The following COL28A1 variants were observed in gnomAD, a reference collection of about 807,000 sequenced individuals.
COL28A1 encodes collagen type XXVIII alpha 1 chain, also known as collagen alpha-1(XXVIII) chain.
COL28A1 carries 161 observed loss-of-function variants against 150.2 expected under a neutral mutation model. That is an observed-to-expected ratio of 1.07 (90% CI 0.94 to 1.22). The LOEUF (loss-of-function observed/expected upper bound fraction) is 1.22. Ranked by LOEUF, COL28A1 falls within the 50% of genes most tolerant of loss-of-function variation. The pLI is 0.00. For missense variants in COL28A1, 1,617 were observed against 1,388.3 expected, an observed-to-expected ratio of 1.16 and a Z score of -2.62; for synonymous variants, 552 against 469.7, an observed-to-expected ratio of 1.18 and a Z score of -2.26.
downstream of COL28A1, among the ~76,000 whole-genome samples, chr7:7,352,990 C>T (rs1562446019): frequency 6.6e-6 from 1 of 152,132 alleles, no homozygotes; most frequent in Non-Finnish European, 1.5e-5. Flanking sequence ...AAGGTGAAGC[C>T]TGGGGCTGAG....
chr7:7,511,619 TCAAGAACACCA>T, intron 8 of COL28A1: 1 of 322,556 alleles, frequency 3.1e-6, no homozygotes, highest in South Asian at 2.7e-5. Context: ...TCCTATTTTT[TCAAGAACACCA>T]TGCTTCAGCC....
the COL28A1 span, among the ~76,000 whole-genome samples, chr7:7,350,134 G>A: frequency 6.6e-6 from 1 of 152,132 alleles, no homozygotes; most frequent in African/African-American, 2.4e-5. Context: ...GTACTGGGCA[G>A]ATAAAGATTG....
chr7:7,356,982 G>T (rs937997470), downstream of COL28A1: 10 of 152,076 alleles, frequency 6.6e-5, no homozygotes, highest in African/African-American at 1.9e-4. Context: ...TCTTCCGTGA[G>T]TGCTCTTTTT....
rs576490785 is a variant in COL28A1, at chr7:7,509,180, G to A, written c.927+1911C>T. ...GGGTTTCGCTCTGTTACCCAAACTG[G>A]AGTAGAGTGGCACAATGACAGCTCA... On this transcript the variant is annotated intron_variant, in intron 9 of 34. Transcript: ENST00000399429. Among the ~76,000 whole-genome samples the A allele has an allele frequency of 9.2e-5, 14 of 151,676 alleles. No individual in the cohort carries two copies. In the South Asian group the frequency reaches 2.3e-3, roughly 25 times the overall value.
intron 8 of COL28A1, chr7:7,511,603 T>C: frequency 6.2e-6 from 2 of 321,524 alleles, no homozygotes; most frequent in South Asian, 2.8e-5. Context: ...TACTTTAACT[T>C]GGAATTCCTA....
chr7:7,378,086 G>T (rs1469235391), intron 30 of COL28A1, among the ~76,000 whole-genome samples: 2 of 152,092 alleles, frequency 1.3e-5, no homozygotes, highest in Non-Finnish European at 2.9e-5. Flanking sequence ...TCCACCTAGA[G>T]ATGTCCACGG....
intron 15 of COL28A1, among the ~76,000 whole-genome samples, chr7:7,457,031 A>C (rs1305265413): frequency 6.6e-6 from 1 of 152,244 alleles, no homozygotes; most frequent in Non-Finnish European, 1.5e-5. Flanking sequence ...TTCCAGAAAC[A>C]GCAAGGAGAC....
Position 7,511,072 on chromosome 7 carries a change from T to C in COL28A1, c.927+19A>G. ...AAAAGGGATCACAGCTGTAAGCAGT[T>C]TAAAAACATGTTCCTTACCTTGTCA... On this transcript the variant is annotated intron_variant, in intron 9 of 34. Coordinates refer to ENST00000399429, the MANE Select transcript of COL28A1 (RefSeq NM_001037763.3). 6.2e-7 allele frequency: 1 copy of C among 1,609,636 alleles called. No homozygotes were observed. Among genetic ancestry groups the C allele is most frequent in the Non-Finnish European group, 8.5e-7 (1 of 1,176,092 alleles).
intron 4 of COL28A1, among the ~76,000 whole-genome samples, chr7:7,522,360 C>G (rs186280528): frequency 8.4e-4 from 128 of 152,112 alleles, no homozygotes; most frequent in Non-Finnish European, 7.4e-4. Flanking sequence ...CACATCAAAG[C>G]TCAATAATAT....
chr7:7,528,544 A>G, intron 3 of COL28A1, among the ~76,000 whole-genome samples: 1 of 152,180 alleles, frequency 6.6e-6, no homozygotes, highest in East Asian at 1.9e-4. Context: ...AAATTCAACT[A>G]AAGTCTATTC....
intron 17 of COL28A1, among the ~76,000 whole-genome samples, chr7:7,452,991 T>C (rs920982867): frequency 3.9e-5 from 6 of 152,336 alleles, no homozygotes; most frequent in African/African-American, 1.4e-4. Context: ...AAATAATAGT[T>C]CCAATCTATG....
At chr7:7,462,403 T>C (rs1277381561) in intron 15 of COL28A1, among the ~76,000 whole-genome samples, 1 of 152,112 alleles carries the variant, frequency 6.6e-6, no homozygotes, top group African/African-American at 2.4e-5. Context: ...TGAAAAAGAA[T>C]TCAGAAGGTG....
intron 27 of COL28A1, among the ~76,000 whole-genome samples, chr7:7,415,072 T>G (rs941159173): frequency 1.3e-5 from 2 of 152,228 alleles, no homozygotes; most frequent in Admixed American, 1.3e-4. Context: ...GAGCCAATAT[T>G]CTAGCAACTA....
intron 4 of COL28A1, among the ~76,000 whole-genome samples, chr7:7,523,289 C>G (rs1350059173): frequency 6.6e-6 from 1 of 151,640 alleles, no homozygotes; most frequent in East Asian, 1.9e-4. Context: ...TCCTGAGTAG[C>G]TGGGACTACA....
At chr7:7,340,963 G>C in the COL28A1 span, among the ~76,000 whole-genome samples, 1 of 152,112 alleles carries the variant, frequency 6.6e-6, no homozygotes, top group Non-Finnish European at 1.5e-5. Flanking sequence ...GATGACCCCA[G>C]CTCCAGGCTA....
At chr7:7,459,655 C>T (rs987496026) in intron 15 of COL28A1, among the ~76,000 whole-genome samples, 1 of 152,200 alleles carries the variant, frequency 6.6e-6, no homozygotes, top group African/African-American at 2.4e-5. Flanking sequence ...TAGCTCCTAT[C>T]ACCAGCTCCA....
chr7:7,365,220 G>GGGTACGC, intron 33 of COL28A1, among the ~76,000 whole-genome samples: 2 of 31,774 alleles, frequency 6.3e-5, no homozygotes, highest in Non-Finnish European at 3.0e-4. Context: ...TCTGGGTGGT[G>GGGTACGC]AGTACGCAGT....
chr7:7,407,274 C>T (rs1373880157), intron 27 of COL28A1, among the ~76,000 whole-genome samples: 1 of 151,928 alleles, frequency 6.6e-6, no homozygotes, highest in African/African-American at 2.4e-5. Flanking sequence ...AGGTCAGAAG[C>T]AATCTTTGAA....
intron 15 of COL28A1, among the ~76,000 whole-genome samples, chr7:7,464,377 A>G (rs1175595560): frequency 6.6e-6 from 1 of 152,240 alleles, no homozygotes; most frequent in Non-Finnish European, 1.5e-5. Flanking sequence ...TCAACAGTGC[A>G]TGGTACCTTC....
Sources: allele counts gnomAD v4.1 joint callset (sites outside exome capture counted in the v4.1 genomes callset), GRCh38; gene constraint gnomAD v4.1.1; transcripts MANE v1.5; gene names NCBI Gene and HGNC (gene_info 2026-07-23, HGNC 2026-07-21).